Variants in FRS2 observed in about 807,000 individuals in gnomAD.
The protein encoded by FRS2 is fibroblast growth factor receptor substrate 2.
A neutral mutation model predicts 43.9 loss-of-function variants in FRS2; 8 were observed. The ratio of observed to expected loss-of-function variants is 0.18; its 90% CI spans 0.11 to 0.33. The LOEUF (loss-of-function observed/expected upper bound fraction) is 0.33. Ranked by LOEUF, FRS2 falls within the 10% of genes least tolerant of loss-of-function variation. FRS2 has a pLI of 1.00. For synonymous variants in FRS2, 219 were observed against 220.3 expected (o/e 0.99, Z 0.05); for missense variants, 534 against 627.6 (o/e 0.85, Z 1.59).
At chr12:69,516,550 C>T (rs1201684131) in intron 1 of FRS2, among the ~76,000 whole-genome samples, 2 of 152,196 alleles carry the variant, frequency 1.3e-5, no homozygotes, top group African/African-American at 4.8e-5. Context: ...CTTCCACACA[C>T]ATGCTCTTGT....
rs1465687481 is a variant in FRS2, at chr12:69,577,133, C to A, written c.*2178C>A. The A allele has an allele frequency of 1.3e-5, 2 of 152,124 alleles. No individual in the cohort carries two copies. 9.4% of individuals were successfully genotyped at this position (152,124 alleles called of 1,614,324 possible). A position where few individuals can be genotyped will look rare whatever the true frequency, so the allele number is the denominator to read the frequency against. ...CTTTCCGTCATCCTTTTCATTGTTT[C>A]CCCCGGATTCTAATTAGTTTTTATT... is the stretch of plus-strand genomic sequence containing the variant. On this transcript the variant is annotated 3_prime_UTR_variant, in exon 9 of 9. Coordinates refer to ENST00000549921, the MANE Select transcript of FRS2 (RefSeq NM_001278356.2).
At chr12:69,516,221 A>AT (rs58461725) in intron 1 of FRS2, among the ~76,000 whole-genome samples, 8,584 of 143,060 alleles carry the variant, frequency 0.06, 306 homozygotes, top group South Asian at 0.19. Context: ...TATTATTACT[A>AT]TTTTTTTTTT....
In FRS2 at chr12:69,572,143, A is replaced by T. The variant is rs748152706; in HGVS notation, c.438A>T (p.Leu146Phe). Reference sequence around the variant, plus strand: ...CTCCAGGATTTGCTGCTCAGAACTTACCTAATGGATATCCCCGATATCCCT... The same window carrying T: ...CTCCAGGATTTGCTGCTCAGAACTTTCCTAATGGATATCCCCGATATCCCT... ...PTTPGFAAQN[L>F]PNGYPRYPSF... Residue 146 changes from leucine to phenylalanine, a missense_variant, in exon 8 of 9, where the codon TTA becomes TTT. By Grantham distance (22) the Leu-to-Phe change is conservative. Transcript: ENST00000549921. 6.2e-7 allele frequency: 1 copy of T among 1,613,828 alleles called. No individual in the cohort carries two copies. The highest frequency in any genetic ancestry group is 8.5e-7 in the Non-Finnish European group (1 of 1,179,844).
chr12:69,579,105 T>A lies in FRS2; in HGVS notation c.*4150T>A, dbSNP rs1269257013. 6.6e-6 allele frequency: 1 copy of A among 152,628 alleles called. No individual in the cohort carries two copies. Among genetic ancestry groups the A allele is most frequent in the Non-Finnish European group, 1.5e-5 (1 of 68,024 alleles). The allele number at this position is 152,628 out of a possible 1,614,324, so 9.5% of individuals were successfully genotyped here. ...ATTTTCCCTCTATCCCTTCCCACCC[T>A]TTGTTCTCTATTTCTCCCTATCAGT... On this transcript the variant is annotated 3_prime_UTR_variant, in exon 9 of 9. Coordinates refer to ENST00000549921, the MANE Select transcript of FRS2 (RefSeq NM_001278356.2).
intron 3 of FRS2, among the ~76,000 whole-genome samples, chr12:69,546,980 A>G (rs1878466243): frequency 6.6e-6 from 1 of 152,228 alleles, no homozygotes. Flanking sequence ...TCATTGACAG[A>G]TGAATGGATA....
At chr12:69,503,551 G>GT (rs1388125916) in intron 1 of FRS2, among the ~76,000 whole-genome samples, 1 of 152,160 alleles carries the variant, frequency 6.6e-6, no homozygotes, top group African/African-American at 2.4e-5. Flanking sequence ...CGCCTCTTGT[G>GT]TGTGGTGTGT....
intron 1 of FRS2, among the ~76,000 whole-genome samples, chr12:69,482,516 T>C: frequency 6.6e-6 from 1 of 152,190 alleles, no homozygotes; most frequent in African/African-American, 2.4e-5. Context: ...ATTGACTGAC[T>C]GAGTCAGTAG....
At chr12:69,477,045 TA>T (rs1870855425) in intron 1 of FRS2, among the ~76,000 whole-genome samples, 2 of 152,060 alleles carry the variant, frequency 1.3e-5, no homozygotes, top group Non-Finnish European at 2.9e-5. Flanking sequence ...TGCTGGTAAA[TA>T]AAAAATGTTT....
At chr12:69,479,390 C>CTTTTTTTTTTTTTTTTTT (rs57688271) in intron 1 of FRS2, among the ~76,000 whole-genome samples, 2 of 119,698 alleles carry the variant, frequency 1.7e-5, no homozygotes, top group Non-Finnish European at 1.7e-5. Flanking sequence ...TCTGTTGTTT[C>CTTTTTTTTTTTTTTTTTT]TTTTTTTTTT....
chr12:69,503,848 A>G (rs562174438), intron 1 of FRS2, among the ~76,000 whole-genome samples: 1 of 152,226 alleles, frequency 6.6e-6, no homozygotes, highest in Admixed American at 6.5e-5. Context: ...AAATGAGAAC[A>G]ACACCAGTGC....
intron 1 of FRS2, among the ~76,000 whole-genome samples, chr12:69,510,363 T>C (rs994922661): frequency 2.0e-5 from 3 of 152,236 alleles, no homozygotes; most frequent in Non-Finnish European, 4.4e-5. Flanking sequence ...CTCCGTTACA[T>C]CTGTCTCTGT....
chr12:69,506,773 T>C (rs950024188), intron 1 of FRS2, among the ~76,000 whole-genome samples: 1 of 152,220 alleles, frequency 6.6e-6, no homozygotes, highest in African/African-American at 2.4e-5. Flanking sequence ...ATGGTTTGAA[T>C]GTTTGTCCCC....
intron 1 of FRS2, among the ~76,000 whole-genome samples, chr12:69,487,217 A>G (rs1159675559): frequency 6.6e-6 from 1 of 152,218 alleles, no homozygotes; most frequent in Non-Finnish European, 1.5e-5. Flanking sequence ...ATTTTATTGT[A>G]GTTGAAACAG....
chr12:69,568,965 C>T, intron 4 of FRS2, 40 bp from the exon 5 acceptor site: 2 of 952,170 alleles, frequency 2.1e-6, no homozygotes, highest in Non-Finnish European at 3.3e-6. Flanking sequence ...GTTTTTGTAT[C>T]CTTCATCTAA....
intron 1 of FRS2, among the ~76,000 whole-genome samples, chr12:69,505,939 C>T (rs1338906882): frequency 6.6e-6 from 1 of 152,142 alleles, no homozygotes; most frequent in Non-Finnish European, 1.5e-5. Flanking sequence ...CAATCCACCC[C>T]CGACCACCAT....
intron 1 of FRS2, among the ~76,000 whole-genome samples, chr12:69,489,468 A>G (rs931089991): frequency 6.6e-6 from 1 of 152,104 alleles, no homozygotes; most frequent in Non-Finnish European, 1.5e-5. Flanking sequence ...TCAGGAGTTC[A>G]AGACCAGCCT....
At chr12:69,498,658 A>G (rs185525385) in intron 1 of FRS2, among the ~76,000 whole-genome samples, 7 of 151,844 alleles carry the variant, frequency 4.6e-5, no homozygotes, top group Admixed American at 3.9e-4. Context: ...AAGCCAAAAG[A>G]TTGGACACCC....
intron 3 of FRS2, among the ~76,000 whole-genome samples, chr12:69,538,224 GCATTGCAGAT>G (rs1877526496): frequency 1.8e-5 from 1 of 56,698 alleles, no homozygotes; most frequent in Non-Finnish European, 2.9e-5. Flanking sequence ...TATATATATA[GCATTGCAGAT>G]TATATATATA....
rs758732151 is a variant in FRS2, at chr12:69,553,594, GA to G, written c.-121-8575del. 1.2e-3 allele frequency among the ~76,000 whole-genome samples: 175 copies of G among 145,470 alleles called. 2 individuals are homozygous for G. The East Asian group carries it at 0.018, about 15-fold the overall frequency. On this transcript the variant is annotated intron_variant, in intron 3 of 8. Transcript: ENST00000549921. ...ACGTATTTTTCCTTGAAAGTATCAG[GA>G]AAAAAAAAAACAACTTTTGGGAGGC...
Sources: allele counts gnomAD v4.1 joint callset (sites outside exome capture counted in the v4.1 genomes callset), GRCh38; gene constraint gnomAD v4.1.1; transcripts MANE v1.5; gene names NCBI Gene and HGNC (gene_info 2026-07-23, HGNC 2026-07-21).